Variants in GRIN2A observed in about 807,000 individuals in gnomAD.
The protein encoded by GRIN2A is glutamate ionotropic receptor NMDA type subunit 2A, also known as glutamate receptor ionotropic, NMDA 2A.
Under a neutral mutation model 113.4 loss-of-function variants are expected in GRIN2A, and 22 were observed. The observed-to-expected ratio is 0.19, with a 90% confidence interval of 0.14 to 0.28. GRIN2A has a LOEUF of 0.28. Ranked by LOEUF, GRIN2A falls within the 10% of genes least tolerant of loss-of-function variation. GRIN2A has a pLI of 1.00. For synonymous variants in GRIN2A, 827 were observed against 738.4 expected (o/e 1.12, Z -1.94); for missense variants, 1,502 against 1,887.0 (o/e 0.80, Z 3.78).
chr16:9,892,778 G>T (rs1474481190), intron 3 of GRIN2A, among the ~76,000 whole-genome samples: 1 of 152,038 alleles, frequency 6.6e-6, no homozygotes, highest in African/African-American at 2.4e-5. Flanking sequence ...AGAAAAATGT[G>T]ATGTCGTTAA....
chr16:9,986,764 CA>C (rs3065539), intron 2 of GRIN2A, among the ~76,000 whole-genome samples: 39,417 of 111,868 alleles, frequency 0.35, 6,360 homozygotes, highest in African/African-American at 0.53. Flanking sequence ...GACGCTGTCT[CA>C]AAAAAAAAAA....
At chr16:9,875,051 C>A (rs1433060135) in intron 4 of GRIN2A, among the ~76,000 whole-genome samples, 1 of 147,058 alleles carries the variant, frequency 6.8e-6, no homozygotes, top group African/African-American at 2.5e-5. Context: ...CCAGGGAGTG[C>A]AGCGGCATGA....
At chr16:9,926,659 A>G (rs1005391614) in intron 3 of GRIN2A, among the ~76,000 whole-genome samples, 3 of 152,208 alleles carry the variant, frequency 2.0e-5, no homozygotes, top group African/African-American at 7.2e-5. Flanking sequence ...AATAAAAATG[A>G]GTACAAGACA....
intron 3 of GRIN2A, among the ~76,000 whole-genome samples, chr16:9,935,368 C>T (rs920026858): frequency 6.6e-6 from 1 of 151,990 alleles, no homozygotes; most frequent in Non-Finnish European, 1.5e-5. Flanking sequence ...ATTTAAAATG[C>T]TGAAAGTGGC....
At chr16:10,042,494 C>T (rs2047182853) in intron 2 of GRIN2A, among the ~76,000 whole-genome samples, 1 of 152,208 alleles carries the variant, frequency 6.6e-6, no homozygotes, top group Non-Finnish European at 1.5e-5. Flanking sequence ...TAGATCACTG[C>T]ACCTCTGGCC....
intron 2 of GRIN2A, chr16:10,031,195 C>T (rs527505647): frequency 3.3e-5 from 5 of 152,268 alleles, no homozygotes; most frequent in East Asian, 3.9e-4. Context: ...TACAATCTGC[C>T]TCTTTTAATC....
chr16:9,931,766 CA>C (rs1472675868), intron 3 of GRIN2A, among the ~76,000 whole-genome samples: 2 of 152,172 alleles, frequency 1.3e-5, no homozygotes, highest in African/African-American at 4.8e-5. Flanking sequence ...CACACGCACA[CA>C]AAAATGCAGG....
chr16:9,859,597 T>C (rs2043027529), intron 4 of GRIN2A, among the ~76,000 whole-genome samples: 2 of 144,038 alleles, frequency 1.4e-5, no homozygotes, highest in Non-Finnish European at 3.0e-5. Flanking sequence ...CAAACACATA[T>C]ACTCGAACCT....
At chr16:9,869,578 C>A (rs2043220355) in intron 4 of GRIN2A, among the ~76,000 whole-genome samples, 1 of 152,224 alleles carries the variant, frequency 6.6e-6, no homozygotes, top group African/African-American at 2.4e-5. Flanking sequence ...TCAGCCACAT[C>A]TGGACCTGAA....
intron 2 of GRIN2A, among the ~76,000 whole-genome samples, chr16:10,120,683 C>G (rs1442242784): frequency 2.6e-5 from 4 of 152,206 alleles, no homozygotes; most frequent in African/African-American, 9.7e-5. Context: ...CAGATCTTCT[C>G]TCTGGAAGAC....
chr16:10,135,794 T>G (rs971205836), intron 2 of GRIN2A, among the ~76,000 whole-genome samples: 19 of 152,186 alleles, frequency 1.2e-4, no homozygotes, highest in Admixed American at 8.5e-4. Flanking sequence ...TCTGACTGAT[T>G]GAATCAGGCC....
intron 3 of GRIN2A, among the ~76,000 whole-genome samples, chr16:9,911,033 C>T (rs2141550506): frequency 6.6e-6 from 1 of 152,114 alleles, no homozygotes; most frequent in East Asian, 1.9e-4. Context: ...AAAAAAAAAT[C>T]CATCTTGTAA....
intron 2 of GRIN2A, among the ~76,000 whole-genome samples, chr16:10,109,526 G>C (rs1185656299): frequency 6.6e-6 from 1 of 151,468 alleles, no homozygotes; most frequent in Non-Finnish European, 1.5e-5. Flanking sequence ...CACAAAATAT[G>C]AGCAGATCAA....
intron 2 of GRIN2A, among the ~76,000 whole-genome samples, chr16:10,172,448 G>A (rs534940124): frequency 1.3e-5 from 2 of 152,366 alleles, no homozygotes; most frequent in African/African-American, 4.8e-5. Flanking sequence ...CCCTGGAAGA[G>A]CTACTTCCCT....
chr16:10,112,067 T>C, intron 2 of GRIN2A: 1 of 612,258 alleles, frequency 1.6e-6, no homozygotes, highest in East Asian at 3.1e-5. Flanking sequence ...TGAAGAAGAA[T>C]CGAGACTACA....
chr16:9,792,426 G>A (rs567221549), intron 11 of GRIN2A, among the ~76,000 whole-genome samples: 1 of 152,160 alleles, frequency 6.6e-6, no homozygotes. Flanking sequence ...TTTTTGCTAT[G>A]TTGCCTGGGC....
rs899780729 is a variant in GRIN2A at position 9,938,254 on chromosome 16, G to A, written c.712C>T (p.Leu238Phe). 1 of 1,614,108 alleles carries A rather than the reference G, an allele frequency of 6.2e-7. No individual in the cohort carries two copies. Among genetic ancestry groups the A allele is most frequent in the Non-Finnish European group, 8.5e-7 (1 of 1,179,972 alleles). ...AGGGAGCGGGCCTCACTCAGAATGA[G>A]AACAGCCTCGTCTTTGGAACAGTAG... Reference protein sequence around the residue: ...LLYCSKDEAVLILSEARSLGL... With the variant: ...LLYCSKDEAVFILSEARSLGL... The change falls in exon 3 of 13, where the codon CTC becomes TTC. Residue 238 changes from leucine (L) to phenylalanine (F), a missense_variant. By Grantham distance (22) the Leu-to-Phe change is conservative. Transcript: ENST00000330684.
intron 2 of GRIN2A, among the ~76,000 whole-genome samples, chr16:10,091,457 T>TAC (rs35961930): frequency 2.6e-3 from 372 of 145,822 alleles, no homozygotes; most frequent in African/African-American, 8.3e-3. Flanking sequence ...TGTGTGTGTA[T>TAC]ACACACACAC....
At chr16:9,900,757 A>T (rs2043905455) in intron 3 of GRIN2A, among the ~76,000 whole-genome samples, 1 of 152,222 alleles carries the variant, frequency 6.6e-6, no homozygotes, top group South Asian at 2.1e-4. Context: ...ACACTGTTAA[A>T]ATAGCACCAA....
Sources: gnomAD v4.1 joint callset for allele counts (sites outside exome capture counted in the v4.1 genomes callset) on GRCh38, gnomAD v4.1.1 for gene constraint, MANE v1.5 for transcripts, NCBI Gene and HGNC (gene_info 2026-07-23, HGNC 2026-07-21) for gene names.